Variants in ZNF717 observed in about 807,000 individuals in gnomAD.
The protein encoded by ZNF717 is krueppel-like factor X17.
ZNF717 carries 9 observed loss-of-function variants against 13.8 expected under a neutral mutation model. That is an observed-to-expected ratio of 0.65 (90% CI 0.39 to 1.14). The LOEUF (loss-of-function observed/expected upper bound fraction) is 1.14, where lower values mean the gene tolerates loss of function less well. Ranked by LOEUF, ZNF717 falls within the 50% of genes most tolerant of loss-of-function variation. ZNF717 has a pLI of 0.01. For missense variants in ZNF717, 1,040 were observed against 1,080.7 expected (o/e 0.96, Z 0.53); for synonymous variants, 327 against 364.1 (o/e 0.90, Z 1.16).
intron 4 of ZNF717, among the ~76,000 whole-genome samples, chr3:75,719,856 G>A (rs1177850628): frequency 1.3e-5 from 2 of 152,000 alleles, no homozygotes; most frequent in Admixed American, 6.6e-5. Flanking sequence ...TACTCGGGAG[G>A]TTGAGGCATG....
At chr3:75,778,138 T>G (rs1944481463) in intron 2 of ZNF717, among the ~76,000 whole-genome samples, 1 of 150,258 alleles carries the variant, frequency 6.7e-6, no homozygotes, top group Non-Finnish European at 1.5e-5. Flanking sequence ...GTGACTGATG[T>G]GCAAAAACCA....
At chr3:75,717,516 G>A (rs11718917) in intron 4 of ZNF717, among the ~76,000 whole-genome samples, 46,213 of 149,946 alleles carry the variant, frequency 0.31, 7,147 homozygotes, top group Non-Finnish European at 0.4. Flanking sequence ...AGGTAAACCT[G>A]GCTTGCTTCT....
At position 75,737,005 on chromosome 3, in the gene ZNF717, T is replaced by C; in HGVS notation, c.2618A>G (p.Lys873Arg). ...CTGGCAAAAGGTTTTCCCACATTCC[T>C]TACATTCATAAGGTTTTTCTCCTGT... ...THTGEKPYEC[K>R]ECGKTFCQKS... Residue 873 changes from lysine to arginine, a missense_variant, in exon 5 of 5, where the codon AAG becomes AGG. Lys to Arg is a conservative substitution (Grantham distance 26). Around this residue, in one of 3 missense-constraint regions of ZNF717, gnomAD observed 44 missense variants for 70.1 expected, o/e 0.63. Coordinates refer to ENST00000652011, the MANE Select transcript of ZNF717 (RefSeq NM_001290208.3). 1 of 1,594,508 alleles carries C rather than the reference T, an allele frequency of 6.3e-7. No individual in the cohort carries two copies. Among genetic ancestry groups the C allele is most frequent in the Non-Finnish European group, 8.5e-7 (1 of 1,170,600 alleles).
intron 4 of ZNF717, among the ~76,000 whole-genome samples, chr3:75,719,970 A>AATAAATAATAATAATAAT (rs748007104): frequency 1.4e-5 from 2 of 146,136 alleles, no homozygotes; most frequent in African/African-American, 2.5e-5. Flanking sequence ...AAATAATAAT[A>AATAAATAATAATAATAAT]AATAATAATA....
chr3:75,750,385 T>C lies in ZNF717; in HGVS notation c.58-8649A>G, dbSNP rs78292525. ...TCCCTCACATAGGATTCCAGAACTATGTTACGAGAGTCTGAATGTTTGCCC... is the reference window on the plus strand; with the variant it reads ...TCCCTCACATAGGATTCCAGAACTACGTTACGAGAGTCTGAATGTTTGCCC... On this transcript the variant is annotated intron_variant, in intron 2 of 4. Transcript: ENST00000652011. Among the ~76,000 whole-genome samples the C allele has an allele frequency of 3.3e-3, 497 of 150,630 alleles. 18 individuals carry two copies. In the East Asian group the frequency reaches 0.072, roughly 22 times the overall value.
chr3:75,711,967 A>G (rs1937947869), intron 5 of ZNF717, among the ~76,000 whole-genome samples: 1 of 152,270 alleles, frequency 6.6e-6, no homozygotes, highest in South Asian at 2.1e-4. Context: ...ATCATGACTG[A>G]CTACATCACA....
chr3:75,766,708 C>T (rs1943493260), intron 2 of ZNF717, among the ~76,000 whole-genome samples: 1 of 152,280 alleles, frequency 6.6e-6, no homozygotes, highest in Non-Finnish European at 1.5e-5. Flanking sequence ...ATGAAGCACA[C>T]AGTTGAGCAC....
chr3:75,727,178 A>G (rs1575725878), downstream of ZNF717, among the ~76,000 whole-genome samples: 2 of 152,400 alleles, frequency 1.3e-5, no homozygotes, highest in African/African-American at 4.8e-5. Flanking sequence ...CTGAGGATGT[A>G]TGTCGCCTCA....
At chr3:75,755,687 T>C (rs557656204) in intron 2 of ZNF717, among the ~76,000 whole-genome samples, 1 of 152,320 alleles carries the variant, frequency 6.6e-6, no homozygotes, top group African/African-American at 2.4e-5. Flanking sequence ...TAAATGTATA[T>C]TGCAAATTCT....
chr3:75,782,758 G>A (rs541667796), intron 2 of ZNF717, among the ~76,000 whole-genome samples: 14 of 150,910 alleles, frequency 9.3e-5, no homozygotes, highest in African/African-American at 1.2e-4. Context: ...GTGCTTTAGC[G>A]GACGATGACC....
chr3:75,778,494 A>C (rs1307822616), intron 2 of ZNF717, among the ~76,000 whole-genome samples: 1 of 151,926 alleles, frequency 6.6e-6, no homozygotes, highest in Non-Finnish European at 1.5e-5. Context: ...GACATGCTAA[A>C]ACCGGAACGC....
intron 6 of ZNF717, among the ~76,000 whole-genome samples, chr3:75,700,850 T>C (rs1937678706): frequency 6.6e-6 from 1 of 152,308 alleles, no homozygotes; most frequent in Non-Finnish European, 1.5e-5. Context: ...AAGAAAACAT[T>C]GGAGAAACTC....
chr3:75,748,446 T>A (rs768083785), intron 2 of ZNF717, among the ~76,000 whole-genome samples: 8 of 152,148 alleles, frequency 5.3e-5, no homozygotes, highest in Non-Finnish European at 1.0e-4. Flanking sequence ...CTCAATACAA[T>A]ACTTGCAAAA....
intron 2 of ZNF717, among the ~76,000 whole-genome samples, chr3:75,764,311 T>A (rs1943259152): frequency 6.6e-6 from 1 of 152,162 alleles, no homozygotes; most frequent in African/African-American, 2.4e-5. Context: ...TTCCTGCCTT[T>A]TTCCCAGCAG....
chr3:75,712,728 C>T (rs1937966634), intron 5 of ZNF717, among the ~76,000 whole-genome samples: 1 of 152,106 alleles, frequency 6.6e-6, no homozygotes, highest in African/African-American at 2.4e-5. Flanking sequence ...ATCTCCCTAT[C>T]AATAACTTTC....
At chr3:75,711,615 G>C (rs1377631244) in intron 5 of ZNF717, among the ~76,000 whole-genome samples, 1 of 152,100 alleles carries the variant, frequency 6.6e-6, no homozygotes, top group Admixed American at 6.6e-5. Flanking sequence ...GGGCAATATG[G>C]AGAAATCCCA....
Position 75,739,174 on chromosome 3 carries a change from T to C in ZNF717, c.449A>G (p.Asn150Ser). 1.9e-6 allele frequency: 3 copies of C among 1,550,980 alleles called. No homozygotes were observed. The highest frequency in any genetic ancestry group is 2.6e-6 in the Non-Finnish European group (3 of 1,146,712). Reference sequence around the variant, plus strand: ...CTGCCCAGGCTTCATTCCTGAACTGTTTCCATTATTTATAATCAGATTTAA... The same window carrying C: ...CTGCCCAGGCTTCATTCCTGAACTGCTTCCATTATTTATAATCAGATTTAA... ...HVLNLIINNG[N>S]SSGMKPGQFN... Residue 150 changes from asparagine to serine, a missense_variant, in exon 5 of 5, where the codon AAC (asparagine) becomes AGC (serine). By Grantham distance (46) the Asn-to-Ser change is conservative. Transcript: ENST00000652011.
chr3:75,735,396 T>C (rs1356204940), downstream of ZNF717, among the ~76,000 whole-genome samples: 1 of 151,838 alleles, frequency 6.6e-6, no homozygotes, highest in Non-Finnish European at 1.5e-5. Flanking sequence ...CTTGCCAAGG[T>C]AGAAAGATGG....
In ZNF717 at chr3:75,737,935, T is replaced by C. The variant is rs1245062707; in HGVS notation, c.1688A>G (p.Tyr563Cys). 35 of 1,551,066 alleles carry C rather than the reference T, an allele frequency of 2.3e-5. No homozygotes were observed. Among genetic ancestry groups the C allele is most frequent in the Non-Finnish European group, 2.9e-5 (33 of 1,146,494 alleles). Reference sequence around the variant, plus strand: ...GGATTTTCCACATTCATTACATTCATAGGGTTTTTCCCCTGTGTGAGTTCT... The same window carrying C: ...GGATTTTCCACATTCATTACATTCACAGGGTTTTTCCCCTGTGTGAGTTCT... ...HHRTHTGEKP[Y>C]ECNECGKSFH... is the part of the protein sequence containing the mutation. Residue 563 changes from tyrosine (Y) to cysteine (C), a missense_variant, in exon 5 of 5, where the codon TAT (tyrosine) becomes TGT (cysteine). This residue lies in a region of ZNF717 where 873 missense variants were observed against 832.8 expected (regional missense o/e 1.05). Coordinates refer to ENST00000652011, the MANE Select transcript of ZNF717 (RefSeq NM_001290208.3).
Sources: allele counts gnomAD v4.1 joint callset (sites outside exome capture counted in the v4.1 genomes callset), GRCh38; gene constraint gnomAD v4.1.1; regional missense constraint gnomAD v4.1.1; transcripts MANE v1.5; gene names NCBI Gene and HGNC (gene_info 2026-07-23, HGNC 2026-07-21).